The following DLGAP2 variants were observed in gnomAD, a reference collection of about 807,000 sequenced individuals.
The protein encoded by DLGAP2 is DLG associated protein 2.
In DLGAP2, 26 loss-of-function variants were observed where a neutral mutation model predicts 100.3. The ratio of observed to expected loss-of-function variants is 0.26; its 90% CI spans 0.19 to 0.36. The LOEUF (loss-of-function observed/expected upper bound fraction) is 0.36. DLGAP2 is among the 10% of genes least tolerant of loss of function. DLGAP2 has a pLI of 1.00. For missense variants in DLGAP2, 1,858 were observed against 1,453.2 expected (o/e 1.28, Z -4.53); for synonymous variants, 886 against 630.1 (o/e 1.41, Z -6.08).
intron 1 of DLGAP2, among the ~76,000 whole-genome samples, chr8:849,123 T>A (rs2055514): frequency 6.6e-6 from 1 of 150,406 alleles, no homozygotes; most frequent in Middle Eastern, 3.2e-3. Context: ...GTGTCTGTTC[T>A]GGTATAGGAT....
At chr8:1,106,799 G>C (rs1009709191) in intron 2 of DLGAP2, among the ~76,000 whole-genome samples, 1 of 152,152 alleles carries the variant, frequency 6.6e-6, no homozygotes, top group Non-Finnish European at 1.5e-5. Flanking sequence ...AGCCATTCTA[G>C]GAGGGTGAGG....
rs368138521 is a variant in DLGAP2, at chr8:879,517, A to T, written c.19-28395A>T. 2.0e-5 allele frequency among the ~76,000 whole-genome samples: 3 copies of T among 152,262 alleles called. No individual in the cohort carries two copies. In the East Asian group the frequency reaches 5.8e-4, roughly 29 times the overall value. Reference sequence around the variant, plus strand: ...TGCCATCATCCCTGCCTTAGGTTAGAGTCATTACCATCTGACCCACGATCT... The same window carrying T: ...TGCCATCATCCCTGCCTTAGGTTAGTGTCATTACCATCTGACCCACGATCT... On this transcript the variant is annotated intron_variant, in intron 1 of 14. Coordinates refer to ENST00000637795, the MANE Select transcript of DLGAP2 (RefSeq NM_001346810.2).
intron 3 of DLGAP2, among the ~76,000 whole-genome samples, chr8:1,293,246 T>A (rs2116974286): frequency 6.6e-6 from 1 of 152,308 alleles, no homozygotes; most frequent in Non-Finnish European, 1.5e-5. Flanking sequence ...CCACATGCCC[T>A]CTCCCTCTCC....
At chr8:969,824 C>T (rs1008153958) in intron 2 of DLGAP2, among the ~76,000 whole-genome samples, 10 of 152,042 alleles carry the variant, frequency 6.6e-5, no homozygotes, top group African/African-American at 9.7e-5. Flanking sequence ...TTTTGGTGAT[C>T]GTGTAGACTT....
At chr8:1,250,104 C>T (rs1048397338) in intron 2 of DLGAP2, among the ~76,000 whole-genome samples, 1 of 152,184 alleles carries the variant, frequency 6.6e-6, no homozygotes. Flanking sequence ...TGGTCTCGAT[C>T]TCCTGACCTT....
chr8:973,028 A>G (rs1475972063), intron 2 of DLGAP2, among the ~76,000 whole-genome samples: 1 of 152,242 alleles, frequency 6.6e-6, no homozygotes, highest in Non-Finnish European at 1.5e-5. Context: ...TTCTACACAG[A>G]CACAGCATCA....
At chr8:1,323,527 G>A (rs1359387100) in intron 3 of DLGAP2, among the ~76,000 whole-genome samples, 3 of 152,186 alleles carry the variant, frequency 2.0e-5, no homozygotes, top group African/African-American at 4.8e-5. Flanking sequence ...GTACCAGGGC[G>A]AGTGTAGTGC....
In DLGAP2 at chr8:1,170,275, T is replaced by C. The variant is rs1397330437; in HGVS notation, c.74-88576T>C. Reference sequence around the variant, plus strand: ...ATAAGCTTTTTGATGTGCTGCTGGATTCGTTTTGCCAGTATTTTATTGAGG... The same window carrying C: ...ATAAGCTTTTTGATGTGCTGCTGGACTCGTTTTGCCAGTATTTTATTGAGG... On this transcript the variant is annotated intron_variant, in intron 2 of 14. Coordinates refer to ENST00000637795, the MANE Select transcript of DLGAP2 (RefSeq NM_001346810.2). Among the ~76,000 whole-genome samples the C allele has an allele frequency of 9.9e-5, 15 of 152,284 alleles. No homozygotes were observed. The East Asian group carries it at 1.5e-3, about 16-fold the overall frequency.
chr8:1,659,499 G>A (rs555158117), intron 8 of DLGAP2, among the ~76,000 whole-genome samples: 148 of 152,336 alleles, frequency 9.7e-4, no homozygotes, highest in Non-Finnish European at 1.9e-3. Context: ...AGGTCTCTAA[G>A]AACTTGCTTT....
At chr8:891,849 A>T (rs1318609508) in intron 1 of DLGAP2, among the ~76,000 whole-genome samples, 1 of 152,114 alleles carries the variant, frequency 6.6e-6, no homozygotes, top group Non-Finnish European at 1.5e-5. Flanking sequence ...CCAGCCGAGG[A>T]GGGGGAGGAC....
chr8:1,375,230 T>C (rs1255955554), intron 3 of DLGAP2, among the ~76,000 whole-genome samples: 1 of 85,346 alleles, frequency 1.2e-5, no homozygotes, highest in African/African-American at 7.4e-5. Context: ...ACATTTGGGT[T>C]AACGACACCT....
intron 3 of DLGAP2, among the ~76,000 whole-genome samples, chr8:1,383,072 G>A (rs1318416212): frequency 6.6e-6 from 1 of 152,226 alleles, no homozygotes; most frequent in East Asian, 1.9e-4. Context: ...GTATTCTCAG[G>A]TGGATGTGCA....
In DLGAP2 at chr8:1,655,863, A is replaced by G. The variant is rs73672908; in HGVS notation, c.1811-12466A>G. Among the ~76,000 whole-genome samples, 1,079 of 152,352 alleles carry G rather than the reference A, an allele frequency of 7.1e-3. 13 individuals carry two copies. Among genetic ancestry groups the G allele is most frequent in the African/African-American group, 0.025 (1,030 of 41,578 alleles). On this transcript the variant is annotated intron_variant, in intron 8 of 14. Transcript: ENST00000637795. ...CAGACATGGCCTCTTCATGCAGGAC[A>G]TGTCCTAGACAGCGCTGCCAGCACA...
At chr8:925,986 C>T (rs1251661164) in intron 2 of DLGAP2, among the ~76,000 whole-genome samples, 1 of 152,172 alleles carries the variant, frequency 6.6e-6, no homozygotes, top group East Asian at 1.9e-4. Flanking sequence ...ATCACACTGC[C>T]ATTACTCAGT....
chr8:792,564 A>G (rs1230158712), intron 1 of DLGAP2, among the ~76,000 whole-genome samples: 1 of 152,206 alleles, frequency 6.6e-6, no homozygotes, highest in East Asian at 1.9e-4. Context: ...CCTTAATCGT[A>G]TTTTACAGGA....
At chr8:1,185,518 C>T (rs1647799782) in intron 2 of DLGAP2, among the ~76,000 whole-genome samples, 1 of 152,146 alleles carries the variant, frequency 6.6e-6, no homozygotes, top group Admixed American at 6.5e-5. Context: ...TTTGATCAAG[C>T]TCCTAGGAAC....
chr8:1,075,074 G>T (rs1803563215), intron 2 of DLGAP2, among the ~76,000 whole-genome samples: 1 of 152,218 alleles, frequency 6.6e-6, no homozygotes, highest in Non-Finnish European at 1.5e-5. Context: ...GGACCACGGT[G>T]CCCACTGCAC....
intron 3 of DLGAP2, among the ~76,000 whole-genome samples, chr8:1,410,577 G>A (rs555111751): frequency 2.0e-5 from 3 of 152,218 alleles, no homozygotes; most frequent in African/African-American, 4.8e-5. Context: ...CATCAAGTCA[G>A]CTCCCTTCTC....
At chr8:1,601,988 C>T (rs951838135) in intron 6 of DLGAP2, among the ~76,000 whole-genome samples, 2 of 93,178 alleles carry the variant, frequency 2.1e-5, no homozygotes, top group Non-Finnish European at 4.9e-5. Flanking sequence ...GTGATCAGCC[C>T]GTGCTACCTT....
Sources: allele counts gnomAD v4.1 joint callset (sites outside exome capture counted in the v4.1 genomes callset), GRCh38; gene constraint gnomAD v4.1.1; transcripts MANE v1.5; gene names NCBI Gene and HGNC (gene_info 2026-07-23, HGNC 2026-07-21).